The following TEAD4 variants were observed in gnomAD, a reference collection of about 807,000 sequenced individuals.
The protein encoded by TEAD4 is TEA domain transcription factor 4.
Under a neutral mutation model 52.4 loss-of-function variants are expected in TEAD4, and 36 were observed. The ratio of observed to expected loss-of-function variants is 0.69; its 90% CI spans 0.53 to 0.91. TEAD4 has a LOEUF of 0.91. Ranked by LOEUF, TEAD4 falls within the 40% of genes least tolerant of loss-of-function variation. The probability of loss-of-function intolerance (pLI) is 0.00; values close to 1 mark genes in which losing one functional copy is unlikely to be tolerated. For missense variants in TEAD4, 508 were observed against 583.9 expected (o/e 0.87, Z 1.34); for synonymous variants, 220 against 231.0 (o/e 0.95, Z 0.43).
chr12:3,018,149 C>T (rs2098265927), intron 6 of TEAD4, among the ~76,000 whole-genome samples: 1 of 152,200 alleles, frequency 6.6e-6, no homozygotes, highest in Non-Finnish European at 1.5e-5. Flanking sequence ...TTTCAAAGTG[C>T]GTCCCAGAGA....
chr12:3,017,565 TCTC>T (rs1386318709), intron 6 of TEAD4, 39 bp downstream of exon 6: 14 of 1,587,056 alleles, frequency 8.8e-6, no homozygotes, highest in Non-Finnish European at 1.2e-5. Flanking sequence ...AGGCCAGCCC[TCTC>T]CTCCTCCCTC....
chr12:2,985,274 G>A (rs2098237216), intron 2 of TEAD4, among the ~76,000 whole-genome samples: 1 of 151,378 alleles, frequency 6.6e-6, no homozygotes, highest in Non-Finnish European at 1.5e-5. Context: ...AGTCCCAGCT[G>A]CTCAGGAGGC....
At chr12:3,004,284 C>T (rs1011778401) in intron 3 of TEAD4, among the ~76,000 whole-genome samples, 2 of 152,212 alleles carry the variant, frequency 1.3e-5, no homozygotes, top group African/African-American at 4.8e-5. Context: ...GGGGAAATAG[C>T]CAGCATGTAA....
At chr12:2,968,083 CT>C (rs34430154) in intron 2 of TEAD4, among the ~76,000 whole-genome samples, 256 of 112,002 alleles carry the variant, frequency 2.3e-3, no homozygotes, top group African/African-American at 6.9e-3. Context: ...ACATGTGGGT[CT>C]TTTTTTTTTT....
At chr12:3,009,822 CT>C (rs1294887698) in intron 3 of TEAD4, among the ~76,000 whole-genome samples, 1 of 152,226 alleles carries the variant, frequency 6.6e-6, no homozygotes, top group Admixed American at 6.5e-5. Flanking sequence ...GCCAGCACAC[CT>C]TTTCTGGCAG....
intron 7 of TEAD4, 67 bp downstream of exon 7, chr12:3,018,655 G>A: frequency 6.2e-7 from 1 of 1,606,708 alleles, no homozygotes; most frequent in South Asian, 1.1e-5. Context: ...ATAAACTCAT[G>A]GCATTAAGCC....
chr12:2,962,546 G>T (rs977680909), intron 2 of TEAD4, among the ~76,000 whole-genome samples: 1 of 151,664 alleles, frequency 6.6e-6, no homozygotes, highest in Admixed American at 6.6e-5. Context: ...TGTTGGTCAG[G>T]CTGGTCTCCA....
intron 5 of TEAD4, among the ~76,000 whole-genome samples, chr12:3,014,153 C>T (rs11829294): frequency 0.15 from 22,355 of 152,180 alleles, 2,851 homozygotes; most frequent in African/African-American, 0.33. Context: ...CTGTTGCTCC[C>T]GCCTCTCAGC....
chr12:2,972,794 C>A lies in TEAD4; in HGVS notation c.-30+12754C>A, dbSNP rs554890626. Among the ~76,000 whole-genome samples, 15 of 152,218 alleles carry A rather than the reference C, an allele frequency of 9.9e-5. No homozygotes were observed. In the East Asian group the frequency reaches 2.9e-3, roughly 29 times the overall value. ...GGGATTACAGGCGTGAGCCACCGCGCCTGTAGAAAAACATCTCATCCTATA... is the reference window on the plus strand; with the variant it reads ...GGGATTACAGGCGTGAGCCACCGCGACTGTAGAAAAACATCTCATCCTATA... On this transcript the variant is annotated intron_variant, in intron 2 of 12. Transcript: ENST00000359864.
intron 4 of TEAD4, among the ~76,000 whole-genome samples, chr12:3,011,470 A>C (rs1426088917): frequency 6.6e-6 from 1 of 150,848 alleles, no homozygotes; most frequent in African/African-American, 2.4e-5. Context: ...GACCTCATGT[A>C]ATCCACCCGC....
intron 2 of TEAD4, among the ~76,000 whole-genome samples, chr12:2,972,491 C>CTTTTTTTT (rs751852771): frequency 2.9e-4 from 10 of 34,786 alleles, no homozygotes; most frequent in Admixed American, 1.0e-3. Flanking sequence ...CAGCATGTCT[C>CTTTTTTTT]TTTTTTTTTT....
At position 3,017,497 on chromosome 12, in the gene TEAD4, C is replaced by T. The variant is rs369932433; in HGVS notation, c.454C>T (p.Arg152Trp). 52 of 1,613,868 alleles carry T rather than the reference C, an allele frequency of 3.2e-5. No individual in the cohort carries two copies. Among genetic ancestry groups the T allele is most frequent in the African/African-American group, 1.6e-4 (12 of 74,948 alleles). The change falls in exon 6 of 13, where the codon CGG (arginine) becomes TGG (tryptophan). Residue 152 changes from arginine to tryptophan, a missense_variant. Coordinates refer to ENST00000359864, the MANE Select transcript of TEAD4 (RefSeq NM_003213.4). ...CTTCCACAGTAGCATGGCCCTCGCC[C>T]GGGGCCCCGGCCGCCCAGCAGTCTC... is the stretch of plus-strand genomic sequence containing the variant.
chr12:3,034,513 C>A (rs1424196771), intron 10 of TEAD4, among the ~76,000 whole-genome samples: 1 of 152,152 alleles, frequency 6.6e-6, no homozygotes, highest in Non-Finnish European at 1.5e-5. Context: ...CCAATTGCTC[C>A]TGGGGGCTGG....
rs375782732 is a variant in TEAD4 at position 2,995,105 on chromosome 12, C to A, written c.226+113C>A. ...AGGGGATGACCACTTGGGGCTTTGT[C>A]GGGTGGACACTGCTTTCTTCCCTCC... On this transcript the variant is annotated intron_variant, in intron 3 of 12. Coordinates refer to ENST00000359864, the MANE Select transcript of TEAD4 (RefSeq NM_003213.4). The A allele has an allele frequency of 5.7e-6, 7 of 1,222,748 alleles. No individual in the cohort carries two copies. The South Asian group carries it at 5.9e-5, about 10-fold the overall frequency. 75.7% of individuals were successfully genotyped at this position (1,222,748 alleles called of 1,614,324 possible). A position where few individuals can be genotyped will look rare whatever the true frequency, so the allele number is the denominator to read the frequency against.
chr12:2,979,428 C>T (rs1211398300), intron 2 of TEAD4, among the ~76,000 whole-genome samples: 1 of 152,214 alleles, frequency 6.6e-6, no homozygotes, highest in Admixed American at 6.5e-5. Flanking sequence ...GCAGAAGTCA[C>T]AGCACTAAAT....
intron 2 of TEAD4, chr12:2,960,453 C>G (rs1485973347): frequency 2.8e-6 from 2 of 704,624 alleles, no homozygotes; most frequent in East Asian, 2.7e-4. Context: ...GCTGTGTTTC[C>G]TGATGGGGAC....
intron 2 of TEAD4, among the ~76,000 whole-genome samples, chr12:2,962,895 T>A (rs2098216949): frequency 1.3e-5 from 2 of 152,212 alleles, no homozygotes; most frequent in Non-Finnish European, 2.9e-5. Flanking sequence ...TTCTGTCTCC[T>A]GCCCTGTGGA....
intron 3 of TEAD4, among the ~76,000 whole-genome samples, chr12:2,998,071 C>A (rs1360712879): frequency 6.6e-6 from 1 of 152,148 alleles, no homozygotes; most frequent in African/African-American, 2.4e-5. Flanking sequence ...CCTTTAGTTA[C>A]CTCATGTAAG....
Position 3,037,962 on chromosome 12 carries a change from C to T in TEAD4, c.898-6C>T. ...ACTCCCTCGCCTTCCCACTGTCTCC[C>T]TCCAGGCAGACCTCAACACCAACAT... On this transcript the variant is annotated splice_region_variant and splice_polypyrimidine_tract_variant and intron_variant, in intron 10 of 12. Transcript: ENST00000359864. 1 of 1,611,922 alleles carries T rather than the reference C, an allele frequency of 6.2e-7. No homozygotes were observed. The highest frequency in any genetic ancestry group is 8.5e-7 in the Non-Finnish European group (1 of 1,178,576).
Sources: allele counts gnomAD v4.1 joint callset (sites outside exome capture counted in the v4.1 genomes callset), GRCh38; gene constraint gnomAD v4.1.1; transcripts MANE v1.5; gene names NCBI Gene and HGNC (gene_info 2026-07-23, HGNC 2026-07-21).